The following ZFAT variants were observed in gnomAD, a reference collection of about 807,000 sequenced individuals.
ZFAT encodes the protein zinc finger and AT-hook domain containing.
Under a neutral mutation model 117.7 loss-of-function variants are expected in ZFAT, and 64 were observed. The observed-to-expected ratio is 0.54, with a 90% CI of 0.44 to 0.67. The LOEUF (loss-of-function observed/expected upper bound fraction) is 0.67, where lower values mean the gene tolerates loss of function less well. Among genes scored for constraint, ZFAT ranks in the 30% least tolerant of loss-of-function variants. The pLI, the probability that ZFAT is intolerant of heterozygous loss-of-function variation, is 0.00. For synonymous variants in ZFAT, 679 were observed against 615.0 expected (o/e 1.10, Z -1.54); for missense variants, 1,433 against 1,584.5 (o/e 0.90, Z 1.62).
At chr8:134,630,936 C>T (rs1453484710) in intron 3 of ZFAT, among the ~76,000 whole-genome samples, 1 of 152,164 alleles carries the variant, frequency 6.6e-6, no homozygotes. Flanking sequence ...AACAATTACT[C>T]GAGAATTTTC....
intron 15 of ZFAT, among the ~76,000 whole-genome samples, chr8:134,502,298 C>G (rs1237336102): frequency 6.6e-6 from 1 of 152,200 alleles, no homozygotes; most frequent in Non-Finnish European, 1.5e-5. Context: ...ACCAGGAGCC[C>G]TTGTCCAGAT....
At chr8:134,832,218 C>T in the ZFAT span, among the ~76,000 whole-genome samples, 2 of 151,610 alleles carry the variant, frequency 1.3e-5, no homozygotes, top group Non-Finnish European at 2.9e-5. Context: ...CCGCGTCCGT[C>T]ATGGCGCGCG....
chr8:134,590,512 C>T (rs964504546), intron 7 of ZFAT, among the ~76,000 whole-genome samples, 157 bp from the exon 8 acceptor site: 2 of 151,332 alleles, frequency 1.3e-5, no homozygotes, highest in African/African-American at 4.9e-5. Context: ...TCACCATCAT[C>T]AATACCATCA....
At chr8:134,540,232 G>C (rs1447019755) in intron 11 of ZFAT, among the ~76,000 whole-genome samples, 1 of 152,204 alleles carries the variant, frequency 6.6e-6, no homozygotes, top group Non-Finnish European at 1.5e-5. Context: ...TCGGAAGAAG[G>C]ACAAGAGAGG....
intron 11 of ZFAT, among the ~76,000 whole-genome samples, chr8:134,562,511 C>A (rs1379510648): frequency 6.6e-6 from 1 of 152,160 alleles, no homozygotes; most frequent in Non-Finnish European, 1.5e-5. Flanking sequence ...TTGAGAAACA[C>A]TACCTAAATT....
intron 10 of ZFAT, among the ~76,000 whole-genome samples, chr8:134,574,304 T>C (rs546115935): frequency 6.6e-6 from 1 of 152,246 alleles, no homozygotes; most frequent in African/African-American, 2.4e-5. Flanking sequence ...TGAGCTCCCA[T>C]TCTCTGCTCC....
rs542258469 is a variant in ZFAT at position 134,551,390 on chromosome 8, C to T, written c.2976+13943G>A. Among the ~76,000 whole-genome samples the T allele has an allele frequency of 2.0e-5, 3 of 152,262 alleles. No individual in the cohort carries two copies. In the East Asian group the frequency reaches 5.8e-4, roughly 29 times the overall value. On this transcript the variant is annotated intron_variant, in intron 11 of 15. Coordinates refer to ENST00000377838, the MANE Select transcript of ZFAT (RefSeq NM_020863.4). ...ATACACAGAAAACACCTGCGTAATG[C>T]CAAGCACATGGCTATTACAAAGAAA... is the stretch of plus-strand genomic sequence containing the variant.
At chr8:134,682,792 G>GT (rs1833132904) in intron 1 of ZFAT, among the ~76,000 whole-genome samples, 1 of 152,228 alleles carries the variant, frequency 6.6e-6, no homozygotes, top group South Asian at 2.1e-4. Context: ...TCCCTCCCCT[G>GT]TAAGGCCCTT....
chr8:134,706,780 C>T (rs1834162924), intron 1 of ZFAT, among the ~76,000 whole-genome samples: 2 of 151,352 alleles, frequency 1.3e-5, no homozygotes. Context: ...ACTTTCTGGG[C>T]TGATGAAAAA....
At chr8:134,766,511 C>T in the ZFAT span, 2 of 152,168 alleles carry the variant, frequency 1.3e-5, no homozygotes, top group Admixed American at 6.5e-5. Flanking sequence ...TGCTTCCAAA[C>T]CTGTCTGCCT....
intron 5 of ZFAT, among the ~76,000 whole-genome samples, chr8:134,605,941 G>A (rs183296324): frequency 6.5e-4 from 99 of 152,290 alleles, no homozygotes; most frequent in African/African-American, 7.9e-4. Flanking sequence ...GAAGGATAAC[G>A]GCCGGACACT....
chr8:134,606,711 G>C (rs1245516733), intron 5 of ZFAT, among the ~76,000 whole-genome samples: 1 of 140,080 alleles, frequency 7.1e-6, no homozygotes, highest in African/African-American at 2.7e-5. Flanking sequence ...CTGGGTAACA[G>C]AGTGAGACTC....
At chr8:134,698,284 A>C (rs1464125394) in intron 1 of ZFAT, among the ~76,000 whole-genome samples, 2 of 147,824 alleles carry the variant, frequency 1.4e-5, no homozygotes, top group Non-Finnish European at 3.0e-5. Context: ...AGATCACGCC[A>C]CTTCACTCCA....
Position 134,602,635 on chromosome 8 carries a change from T to A in ZFAT, c.1084A>T (p.Lys362Ter), listed in dbSNP as rs1827590361. The change falls in exon 6 of 16, where the codon AAG (lysine) becomes TAG (stop). Residue 362 changes from lysine (K) to a stop codon, truncating the protein, a stop_gained. Transcript: ENST00000377838. LOFTEE classifies it high-confidence loss of function. ...ATGAGGTTCTTGACGTCAGAGTACT[T>A]CTTCTTGCAGAAGCGGCAGTGCTGC... ...IKQHCRFCKK[K>*]YSDVKNLIKH... 1.2e-6 allele frequency: 2 copies of A among 1,614,208 alleles called. No individual in the cohort carries two copies. Among genetic ancestry groups the A allele is most frequent in the Non-Finnish European group, 1.7e-6 (2 of 1,180,030 alleles).
At chr8:134,799,807 A>G in the ZFAT span, among the ~76,000 whole-genome samples, 57 of 152,330 alleles carry the variant, frequency 3.7e-4, no homozygotes, top group South Asian at 0.011. Flanking sequence ...TTATTGCAAA[A>G]ATAAAAACAA....
chr8:134,564,572 A>T (rs1200690707), intron 11 of ZFAT, among the ~76,000 whole-genome samples: 1 of 152,220 alleles, frequency 6.6e-6, no homozygotes, highest in Non-Finnish European at 1.5e-5. Flanking sequence ...ATGTTCTATG[A>T]TTCTCTGGGA....
At position 134,590,292 on chromosome 8, in the gene ZFAT, A is replaced by T; in HGVS notation, c.2539T>A (p.Ser847Thr). The change falls in exon 8 of 16, where the codon TCA (serine) becomes ACA (threonine). Residue 847 changes from serine (S) to threonine (T), a missense_variant. Ser to Thr is a moderately conservative substitution (Grantham distance 58, BLOSUM62 1). Transcript: ENST00000377838. Reference sequence around the variant, plus strand: ...CCAGGATGGTTGGTCTTGATATGTGACTTTATCAATCGATCCTCTGAAAAA... The same window carrying T: ...CCAGGATGGTTGGTCTTGATATGTGTCTTTATCAATCGATCCTCTGAAAAA... Reference protein sequence around the residue: ...KSFSEDRLIKSHIKTNHPEVS... With the variant: ...KSFSEDRLIKTHIKTNHPEVS... 6.2e-7 allele frequency: 1 copy of T among 1,613,358 alleles called. No individual in the cohort carries two copies. The highest frequency in any genetic ancestry group is 8.5e-7 in the Non-Finnish European group (1 of 1,179,372).
chr8:134,682,166 CTTAT>C (rs1223770700), intron 1 of ZFAT, among the ~76,000 whole-genome samples: 1 of 152,204 alleles, frequency 6.6e-6, no homozygotes, highest in Non-Finnish European at 1.5e-5. Flanking sequence ...TCATACGAGG[CTTAT>C]TTAATTCTCA....
intron 15 of ZFAT, among the ~76,000 whole-genome samples, chr8:134,492,050 C>G (rs555642296): frequency 6.7e-6 from 1 of 149,600 alleles, no homozygotes; most frequent in Non-Finnish European, 1.5e-5. Flanking sequence ...TTCAGTCATG[C>G]ATGTGTAGGA....
Sources: gnomAD v4.1 joint callset for allele counts (sites outside exome capture counted in the v4.1 genomes callset) on GRCh38, gnomAD v4.1.1 for gene constraint, MANE v1.5 for transcripts, NCBI Gene and HGNC (gene_info 2026-07-23, HGNC 2026-07-21) for gene names.